GLYATL2: variants seen among roughly 807,000 people sequenced by gnomAD.
GLYATL2 encodes the protein glycine-N-acyltransferase like 2, also known as glycine N-acyltransferase-like protein 2.
Under a neutral mutation model 21.4 loss-of-function variants are expected in GLYATL2, and 25 were observed. That is an observed-to-expected ratio of 1.17 (90% confidence interval 0.85 to 1.63). The LOEUF (loss-of-function observed/expected upper bound fraction) is 1.63, where lower values mean the gene tolerates loss of function less well. GLYATL2 is among the 40% of genes most tolerant of loss of function. GLYATL2 has a pLI of 0.00. For missense variants in GLYATL2, 361 were observed against 343.3 expected, an observed-to-expected ratio of 1.05 and a Z score of -0.41; for synonymous variants, 114 against 118.2, an observed-to-expected ratio of 0.96 and a Z score of 0.23.
intron 1 of GLYATL2, among the ~76,000 whole-genome samples, chr11:58,901,535 A>C (rs1402732538): frequency 6.6e-6 from 1 of 152,198 alleles, no homozygotes; most frequent in African/African-American, 2.4e-5. Context: ...AGAATCACAA[A>C]CTGGCAGATC....
chr11:58,872,443 T>C (rs1565100297), intron 1 of GLYATL2, among the ~76,000 whole-genome samples: 4 of 152,352 alleles, frequency 2.6e-5, no homozygotes, highest in South Asian at 4.1e-4. Context: ...CTTTAATCCA[T>C]CTTGAATTGA....
At chr11:58,849,802 G>C (rs1337933044) in intron 1 of GLYATL2, among the ~76,000 whole-genome samples, 1 of 152,164 alleles carries the variant, frequency 6.6e-6, no homozygotes, top group African/African-American at 2.4e-5. Context: ...GGGGGCCTGG[G>C]AGAGGGATAG....
At chr11:58,853,755 T>C (rs1853781421) in intron 1 of GLYATL2, among the ~76,000 whole-genome samples, 1 of 152,232 alleles carries the variant, frequency 6.6e-6, no homozygotes, top group Non-Finnish European at 1.5e-5. Flanking sequence ...TATGTATACA[T>C]TGTAAAATGG....
chr11:58,849,072 C>T (rs1014670816), upstream of GLYATL2, among the ~76,000 whole-genome samples: 2 of 152,142 alleles, frequency 1.3e-5, no homozygotes, highest in African/African-American at 4.8e-5. Flanking sequence ...ATACCTTTTA[C>T]CCTAGAATAT....
intron 1 of GLYATL2, among the ~76,000 whole-genome samples, chr11:58,840,420 A>T (rs962710818): frequency 2.0e-5 from 3 of 152,186 alleles, no homozygotes; most frequent in Non-Finnish European, 4.4e-5. Flanking sequence ...CAAGTTAATG[A>T]TGGTGTATCC....
At chr11:58,893,292 G>T in intron 1 of GLYATL2, 1 of 237,868 alleles carries the variant, frequency 4.2e-6, no homozygotes, top group South Asian at 1.6e-4. Context: ...TAACATAGGT[G>T]AACATGAGAT....
chr11:58,857,108 C>G (rs1853841675), intron 1 of GLYATL2, among the ~76,000 whole-genome samples: 1 of 152,126 alleles, frequency 6.6e-6, no homozygotes, highest in Admixed American at 6.5e-5. Flanking sequence ...TACTGTTTTG[C>G]ATAAGGCTAC....
At chr11:58,874,541 T>C (rs941932348) in intron 1 of GLYATL2, among the ~76,000 whole-genome samples, 3 of 152,236 alleles carry the variant, frequency 2.0e-5, no homozygotes, top group Admixed American at 6.5e-5. Context: ...TTCATTTCGT[T>C]GTGTACCCAG....
chr11:58,866,394 C>T (rs1403905062), intron 1 of GLYATL2, among the ~76,000 whole-genome samples: 1 of 148,764 alleles, frequency 6.7e-6, no homozygotes. Flanking sequence ...AAGATGCAAC[C>T]ACATCTAAAG....
chr11:58,885,882 G>A (rs1219987601), intron 1 of GLYATL2, among the ~76,000 whole-genome samples: 1 of 152,124 alleles, frequency 6.6e-6, no homozygotes, highest in Non-Finnish European at 1.5e-5. Context: ...TAGAACAGTG[G>A]CTTAGAAACA....
At chr11:58,834,971 C>T in intron 5 of GLYATL2, 134 bp from the exon 6 acceptor site, 7 of 617,976 alleles carry the variant, frequency 1.1e-5, no homozygotes, top group South Asian at 4.6e-5. Context: ...ATAACAACTA[C>T]CTTTTCTATT....
chr11:58,857,888 C>CAAAAA (rs545952478), intron 1 of GLYATL2, among the ~76,000 whole-genome samples: 14 of 108,462 alleles, frequency 1.3e-4, no homozygotes, highest in African/African-American at 4.8e-4. Context: ...TTTTCCCCTC[C>CAAAAA]AAAAAAAAAA....
chr11:58,899,672 C>T (rs965938189), intron 1 of GLYATL2, among the ~76,000 whole-genome samples: 4 of 152,108 alleles, frequency 2.6e-5, no homozygotes, highest in Admixed American at 1.3e-4. Flanking sequence ...GGGTTGCAGT[C>T]TGAGAAAGCA....
At position 58,834,699 on chromosome 11, in the gene GLYATL2, C is replaced by A; in HGVS notation, c.615G>T (p.Leu205=). 6.2e-7 allele frequency: 1 copy of A among 1,613,522 alleles called. No individual in the cohort carries two copies. The highest frequency in any genetic ancestry group is 8.5e-7 in the Non-Finnish European group (1 of 1,179,988). The change falls in exon 6 of 6, where the codon CTG becomes CTT. Residue 205 remains leucine, a synonymous_variant. Transcript: ENST00000287275. ...AAGAGACAAGCTGGCCCTCTGGACC[C>A]AGCACACCAAATCCTAGAAAATCCT... ...CLQDFLGFGV[L]GPEGQLVSWI... is the part of the protein sequence containing the mutation.
intron 1 of GLYATL2, among the ~76,000 whole-genome samples, chr11:58,903,295 A>T (rs746511774): frequency 2.9e-4 from 44 of 152,192 alleles, no homozygotes; most frequent in Non-Finnish European, 4.7e-4. Flanking sequence ...AATCTGGGAA[A>T]CAAGGCAGGA....
At chr11:58,871,367 T>A (rs1402965361) in intron 1 of GLYATL2, among the ~76,000 whole-genome samples, 1 of 152,032 alleles carries the variant, frequency 6.6e-6, no homozygotes, top group Non-Finnish European at 1.5e-5. Flanking sequence ...ATGTGCCATG[T>A]TGGTGTGCTG....
intron 1 of GLYATL2, among the ~76,000 whole-genome samples, chr11:58,870,882 C>T (rs1033849718): frequency 5.3e-5 from 8 of 152,234 alleles, no homozygotes; most frequent in Non-Finnish European, 1.0e-4. Context: ...GGAGCAAAGA[C>T]TCTCAAAGTC....
At chr11:58,852,934 A>T (rs1853766686) in intron 1 of GLYATL2, among the ~76,000 whole-genome samples, 1 of 152,240 alleles carries the variant, frequency 6.6e-6, no homozygotes, top group Non-Finnish European at 1.5e-5. Context: ...TAAGTCAGCC[A>T]GTGAAGTGCT....
At chr11:58,909,526 C>T in the GLYATL2 span, among the ~76,000 whole-genome samples, 2 of 152,234 alleles carry the variant, frequency 1.3e-5, no homozygotes, top group African/African-American at 2.4e-5. Context: ...ACATTAGTTA[C>T]GCATTCTGTA....
Sources: gnomAD v4.1 joint callset for allele counts (sites outside exome capture counted in the v4.1 genomes callset) on GRCh38, gnomAD v4.1.1 for gene constraint, MANE v1.5 for transcripts, NCBI Gene and HGNC (gene_info 2026-07-23, HGNC 2026-07-21) for gene names.